Variants in LDB3 observed in about 807,000 individuals in gnomAD.
LDB3 encodes the protein LIM domain binding 3, also known as LIM domain-binding protein 3.
LDB3 carries 49 observed loss-of-function variants against 69.0 expected under a neutral mutation model. The ratio of observed to expected loss-of-function variants is 0.71; its 90% CI spans 0.56 to 0.90. The LOEUF is 0.90. Ranked by LOEUF, LDB3 falls within the 40% of genes least tolerant of loss-of-function variation. The pLI, the probability that LDB3 is intolerant of heterozygous loss-of-function variation, is 0.00. For missense variants in LDB3, 928 were observed against 974.1 expected (o/e 0.95, Z 0.63); for synonymous variants, 387 against 396.2 (o/e 0.98, Z 0.28).
intron 2 of LDB3, 113 bp downstream of exon 2, chr10:86,668,897 G>A: frequency 1.2e-6 from 1 of 825,550 alleles, no homozygotes; most frequent in Non-Finnish European, 2.0e-6. Flanking sequence ...AGCAGAGCAT[G>A]CCCCATCCCC....
At position 86,679,451 on chromosome 10, in the gene LDB3, A is replaced by T. The variant is rs747835472; in HGVS notation, c.178A>T (p.Met60Leu). Residue 60 changes from methionine (M) to leucine (L), a missense_variant, in exon 3 of 14, where the codon ATG becomes TTG. Met to Leu is a conservative substitution (Grantham distance 15). Transcript: ENST00000361373. Reference protein sequence around the residue: ...VAIDGVNTDTMTHLEAQNKIK... With the variant: ...VAIDGVNTDTLTHLEAQNKIK... Reference sequence around the variant, plus strand: ...CATTGACGGCGTCAACACAGACACCATGACCCACCTGGAAGCCCAGAACAA... The same window carrying T: ...CATTGACGGCGTCAACACAGACACCTTGACCCACCTGGAAGCCCAGAACAA... 2 of 1,614,198 alleles carry T rather than the reference A, an allele frequency of 1.2e-6. No individual in the cohort carries two copies. Among genetic ancestry groups the T allele is most frequent in the East Asian group, 4.5e-5 (2 of 44,886 alleles).
Position 86,692,581 on chromosome 10 carries a change from T to C in LDB3, c.896+10T>C, listed in dbSNP as rs1440550673. On this transcript the variant is annotated intron_variant, in intron 7 of 13. Coordinates refer to ENST00000361373, the MANE Select transcript of LDB3 (RefSeq NM_007078.3). ...CTCTGCGAAGGTCAAGGTAAGTGCCTGGACTCAGGCTCTGTGGCCTTGCCC... is the reference window on the plus strand; with the variant it reads ...CTCTGCGAAGGTCAAGGTAAGTGCCCGGACTCAGGCTCTGTGGCCTTGCCC... 4 of 1,613,862 alleles carry C rather than the reference T, an allele frequency of 2.5e-6. No homozygotes were observed. The highest frequency in any genetic ancestry group is 1.1e-5 in the South Asian group (1 of 91,082).
At chr10:86,700,186 A>G (rs1365756104) in intron 7 of LDB3, 2 of 478,404 alleles carry the variant, frequency 4.2e-6, no homozygotes, top group East Asian at 3.0e-4. Flanking sequence ...GACACAGCGC[A>G]GCTCTGGTCC....
At chr10:86,702,751 G>C (rs931671247) in intron 7 of LDB3, among the ~76,000 whole-genome samples, 5 of 152,160 alleles carry the variant, frequency 3.3e-5, no homozygotes, top group African/African-American at 1.2e-4. Flanking sequence ...CAGAGGGTTT[G>C]TGGAACTTCA....
chr10:86,732,965 A>G lies in LDB3; in HGVS notation c.2173A>G (p.Ile725Val), dbSNP rs1554870749. Residue 725 changes from isoleucine to valine, a missense_variant, in exon 14 of 14, where the codon ATC becomes GTC. Physicochemically the swap from Ile to Val is conservative, Grantham distance 29. Coordinates refer to ENST00000361373, the MANE Select transcript of LDB3 (RefSeq NM_007078.3). ...CCTGTGCAAGAAGCACGCACACACC[A>G]TCAACTTGTAGGCGGCCAAGGCCGC... ...RPLCKKHAHT[I>V]NL The G allele has an allele frequency of 6.2e-7, 1 of 1,613,390 alleles. No homozygotes were observed. Among genetic ancestry groups the G allele is most frequent in the Non-Finnish European group, 8.5e-7 (1 of 1,179,582 alleles).
chr10:86,675,790 G>A (rs1176088279), intron 2 of LDB3, among the ~76,000 whole-genome samples: 1 of 152,226 alleles, frequency 6.6e-6, no homozygotes, highest in Admixed American at 6.5e-5. Context: ...GGGTGTTCAG[G>A]TATACACTTT....
chr10:86,688,830 A>G (rs1253569396), intron 5 of LDB3, among the ~76,000 whole-genome samples: 1 of 152,152 alleles, frequency 6.6e-6, no homozygotes, highest in Non-Finnish European at 1.5e-5. Flanking sequence ...GCACGTTGGG[A>G]AGACTGCTAT....
At chr10:86,681,378 C>G in intron 4 of LDB3, 58 bp from the exon 5 acceptor site, 2 of 1,595,570 alleles carry the variant, frequency 1.3e-6, no homozygotes, top group Non-Finnish European at 8.5e-7. Flanking sequence ...AGCGCTGGGA[C>G]GCGTGTGGCC....
intron 2 of LDB3, 128 bp from the exon 3 acceptor site, chr10:86,679,239 G>A: frequency 8.9e-7 from 1 of 1,126,622 alleles, no homozygotes. Context: ...AGCTGGTACT[G>A]GCCGTAGCGA....
intron 5 of LDB3, among the ~76,000 whole-genome samples, chr10:86,684,521 C>A (rs1418038333): frequency 6.6e-6 from 1 of 152,256 alleles, no homozygotes; most frequent in Non-Finnish European, 1.5e-5. Context: ...TCCGTGCTGG[C>A]CCTTTCCTAA....
intron 2 of LDB3, among the ~76,000 whole-genome samples, chr10:86,670,846 C>T (rs1844434167): frequency 6.6e-6 from 1 of 152,240 alleles, no homozygotes; most frequent in African/African-American, 2.4e-5. Context: ...TTCCCCAGGG[C>T]TCGGAGCCTC....
chr10:86,735,764 A>T lies in LDB3; in HGVS notation c.*2788A>T, dbSNP rs1258704568. On this transcript the variant is annotated 3_prime_UTR_variant, in exon 14 of 14. Coordinates refer to ENST00000361373, the MANE Select transcript of LDB3 (RefSeq NM_007078.3). ...ATTGCACTCCAGCCTGGGCAACAGG[A>T]GCGAAACTCCGTTGCAAAAAAAAAA... The T allele has an allele frequency of 4.9e-5, 7 of 142,296 alleles. No homozygotes were observed. Among genetic ancestry groups the T allele is most frequent in the Non-Finnish European group, 1.1e-4 (7 of 66,320 alleles). 8.8% of individuals were successfully genotyped at this position (142,296 alleles called of 1,614,324 possible). A position where few individuals can be genotyped will look rare whatever the true frequency, so the allele number is the denominator to read the frequency against.
intron 2 of LDB3, among the ~76,000 whole-genome samples, chr10:86,678,035 T>TTTTG (rs377210873): frequency 0.044 from 6,621 of 152,076 alleles, 428 homozygotes; most frequent in African/African-American, 0.15. Context: ...GCCTGCAGTT[T>TTTTG]TTTGTTTGTT....
intron 7 of LDB3, among the ~76,000 whole-genome samples, chr10:86,695,305 C>A (rs1156248433): frequency 5.9e-5 from 9 of 152,226 alleles, no homozygotes; most frequent in Non-Finnish European, 5.9e-5. Flanking sequence ...CACTGCTCTG[C>A]CTCCAAGGTC....
At chr10:86,674,447 A>G (rs1417938663) in intron 2 of LDB3, among the ~76,000 whole-genome samples, 1 of 151,852 alleles carries the variant, frequency 6.6e-6, no homozygotes, top group African/African-American at 2.4e-5. Context: ...GTGCCCTAAG[A>G]CCTTGGCCCA....
At chr10:86,706,491 G>A in intron 7 of LDB3, 40 bp from the exon 8 acceptor site, 2 of 1,606,612 alleles carry the variant, frequency 1.2e-6, no homozygotes, top group South Asian at 1.1e-5. Flanking sequence ...GGGTCTCTAG[G>A]CTCCCTTGAC....
chr10:86,689,122 TTC>T (rs748898813), intron 5 of LDB3, among the ~76,000 whole-genome samples: 1 of 152,204 alleles, frequency 6.6e-6, no homozygotes, highest in Non-Finnish European at 1.5e-5. Flanking sequence ...ACCGTGTTTT[TTC>T]TCTTTTTCTT....
intron 5 of LDB3, among the ~76,000 whole-genome samples, chr10:86,688,946 A>C (rs1022835272): frequency 1.3e-5 from 2 of 151,656 alleles, no homozygotes; most frequent in South Asian, 2.1e-4. Flanking sequence ...GTCCCCTCCC[A>C]TCCCCTCCCT....
chr10:86,690,590 A>G (rs1330393724), intron 5 of LDB3, among the ~76,000 whole-genome samples: 3 of 152,236 alleles, frequency 2.0e-5, no homozygotes, highest in Non-Finnish European at 4.4e-5. Flanking sequence ...AGCCAGACAC[A>G]GGGACCAGTC....
Sources: allele counts gnomAD v4.1 joint callset (sites outside exome capture counted in the v4.1 genomes callset), GRCh38; gene constraint gnomAD v4.1.1; transcripts MANE v1.5; gene names NCBI Gene and HGNC (gene_info 2026-07-23, HGNC 2026-07-21).